The following PDE1A variants were observed in gnomAD, a reference collection of about 807,000 sequenced individuals.
PDE1A encodes phosphodiesterase 1A.
PDE1A carries 35 observed loss-of-function variants against 61.7 expected under a neutral mutation model. The ratio of observed to expected loss-of-function variants is 0.57; its 90% CI spans 0.43 to 0.75. The LOEUF (loss-of-function observed/expected upper bound fraction) is 0.75. Among genes scored for constraint, PDE1A ranks in the 30% least tolerant of loss-of-function variants. The probability of loss-of-function intolerance (pLI) is 0.00; values close to 1 mark genes in which losing one functional copy is unlikely to be tolerated. For synonymous variants in PDE1A, 232 were observed against 213.2 expected, an observed-to-expected ratio of 1.09 and a Z score of -0.77; for missense variants, 597 against 630.6, an observed-to-expected ratio of 0.95 and a Z score of 0.57.
chr2:182,655,197 G>A, the PDE1A span, among the ~76,000 whole-genome samples: 1 of 152,130 alleles, frequency 6.6e-6, no homozygotes, highest in Non-Finnish European at 1.5e-5. Flanking sequence ...ACAGAGGCAG[G>A]AATGAGAGTT....
intron 6 of PDE1A, among the ~76,000 whole-genome samples, chr2:182,224,685 G>T (rs1688995998): frequency 6.6e-6 from 1 of 151,758 alleles, no homozygotes; most frequent in South Asian, 2.1e-4. Context: ...CTCATATTTT[G>T]TAAAACCCTT....
At chr2:182,674,488 C>T in the PDE1A span, among the ~76,000 whole-genome samples, 1 of 151,828 alleles carries the variant, frequency 6.6e-6, no homozygotes, top group African/African-American at 2.4e-5. Context: ...CAGTATCATC[C>T]CTACCAATAT....
At chr2:182,535,950 C>A in the PDE1A span, among the ~76,000 whole-genome samples, 1 of 152,156 alleles carries the variant, frequency 6.6e-6, no homozygotes, top group Non-Finnish European at 1.5e-5. Flanking sequence ...AAACAGTCTG[C>A]CTTAAAAGAA....
At chr2:182,257,805 G>C (rs1691927995) in intron 2 of PDE1A, among the ~76,000 whole-genome samples, 1 of 152,146 alleles carries the variant, frequency 6.6e-6, no homozygotes, top group African/African-American at 2.4e-5. Context: ...ATGGGCATCA[G>C]GCATTAGAGG....
the PDE1A span, among the ~76,000 whole-genome samples, chr2:182,589,074 TAA>T: frequency 2.7e-5 from 4 of 146,364 alleles, no homozygotes; most frequent in Admixed American, 1.4e-4. Context: ...ATAATAATAA[TAA>T]TAATAATAAT....
chr2:182,238,266 CAAAAA>C (rs3063250), intron 3 of PDE1A, among the ~76,000 whole-genome samples: 2 of 98,062 alleles, frequency 2.0e-5, no homozygotes, highest in East Asian at 3.3e-4. Flanking sequence ...CAGACTACGT[CAAAAA>C]AAAAAAAAAA....
At chr2:182,291,002 CTCA>C (rs1163232647) in intron 1 of PDE1A, among the ~76,000 whole-genome samples, 6 of 152,058 alleles carry the variant, frequency 3.9e-5, no homozygotes, top group Non-Finnish European at 8.8e-5. Context: ...CTTACACTAA[CTCA>C]TCATGTACAG....
chr2:182,630,293 A>G, the PDE1A span, among the ~76,000 whole-genome samples: 4 of 152,170 alleles, frequency 2.6e-5, no homozygotes, highest in Non-Finnish European at 5.9e-5. Flanking sequence ...TGTGTAAGTC[A>G]GTGATACAAT....
chr2:182,551,448 T>C, the PDE1A span, among the ~76,000 whole-genome samples: 1 of 151,960 alleles, frequency 6.6e-6, no homozygotes, highest in Non-Finnish European at 1.5e-5. Context: ...GTGGGTGTCG[T>C]GGAATTTGGA....
chr2:182,558,528 T>C, the PDE1A span, among the ~76,000 whole-genome samples: 1 of 152,198 alleles, frequency 6.6e-6, no homozygotes, highest in African/African-American at 2.4e-5. Flanking sequence ...CTTTAATCTA[T>C]GTAAAACCAG....
intron 1 of PDE1A, among the ~76,000 whole-genome samples, chr2:182,300,357 C>G (rs1695160254): frequency 6.6e-6 from 1 of 152,154 alleles, no homozygotes; most frequent in African/African-American, 2.4e-5. Context: ...GCTGATGGAG[C>G]TAGAGTAAAA....
intron 6 of PDE1A, among the ~76,000 whole-genome samples, chr2:182,227,139 G>A (rs912199570): frequency 1.3e-4 from 19 of 151,966 alleles, no homozygotes; most frequent in African/African-American, 3.1e-4. Flanking sequence ...GATCACAATA[G>A]CATTCATTAC....
intron 2 of PDE1A, among the ~76,000 whole-genome samples, chr2:182,456,391 C>T (rs912112571): frequency 4.6e-5 from 7 of 152,044 alleles, no homozygotes; most frequent in African/African-American, 1.4e-4. Context: ...TAAATAACAA[C>T]TATTTCATAG....
chr2:182,166,948 C>T (rs565220058), downstream of PDE1A, among the ~76,000 whole-genome samples: 4 of 152,204 alleles, frequency 2.6e-5, no homozygotes, highest in South Asian at 4.1e-4. Flanking sequence ...CTCTTAAAAA[C>T]CAGACTTTTT....
At chr2:182,540,771 A>G in the PDE1A span, among the ~76,000 whole-genome samples, 4 of 152,290 alleles carry the variant, frequency 2.6e-5, no homozygotes, top group African/African-American at 9.6e-5. Context: ...TTTAATAAAT[A>G]TAATGAACAT....
downstream of PDE1A, among the ~76,000 whole-genome samples, chr2:182,146,437 G>A (rs2125261368): frequency 6.6e-6 from 1 of 152,114 alleles, no homozygotes; most frequent in African/African-American, 2.4e-5. Context: ...TACATGATGT[G>A]GAAAAAGAAA....
the PDE1A span, among the ~76,000 whole-genome samples, chr2:182,659,832 A>G: frequency 6.6e-6 from 1 of 152,378 alleles, no homozygotes; most frequent in East Asian, 1.9e-4. Flanking sequence ...TATTAATAAT[A>G]AAAACCACAT....
the PDE1A span, among the ~76,000 whole-genome samples, chr2:182,606,515 T>G: frequency 6.6e-6 from 1 of 152,154 alleles, no homozygotes; most frequent in Admixed American, 6.5e-5. Flanking sequence ...TCAAACCCAG[T>G]TTTTTTCATT....
chr2:182,456,983 C>T (rs1335229854), intron 2 of PDE1A, among the ~76,000 whole-genome samples: 2 of 152,066 alleles, frequency 1.3e-5, no homozygotes, highest in Non-Finnish European at 2.9e-5. Flanking sequence ...TTGGAACAAG[C>T]ATAAAAACAT....
Sources: gnomAD v4.1 joint callset for allele counts (sites outside exome capture counted in the v4.1 genomes callset) on GRCh38, gnomAD v4.1.1 for gene constraint, MANE v1.5 for transcripts, NCBI Gene and HGNC (gene_info 2026-07-23, HGNC 2026-07-21) for gene names.